Variants in TOGARAM2 observed in about 807,000 individuals in gnomAD.
TOGARAM2 encodes TOG array regulator of axonemal microtubules 2.
In TOGARAM2, 85 loss-of-function variants were observed where a neutral mutation model predicts 93.3. That is an observed-to-expected ratio of 0.91 (90% CI 0.76 to 1.09). The LOEUF is 1.09. TOGARAM2 is among the 50% of genes least tolerant of loss of function. TOGARAM2 has a pLI of 0.00. For missense variants in TOGARAM2, 1,277 were observed against 1,334.5 expected (o/e 0.96, Z 0.67); for synonymous variants, 593 against 552.8 (o/e 1.07, Z -1.02).
In TOGARAM2 at chr2:29,014,426, C is replaced by A; in HGVS notation, c.909C>A (p.Asp303Glu). 1 of 1,609,244 alleles carries A rather than the reference C, an allele frequency of 6.2e-7. No homozygotes were observed. The highest frequency in any genetic ancestry group is 1.3e-5 in the African/African-American group (1 of 74,896). The change falls in exon 8 of 20, where the codon GAC becomes GAA. Residue 303 changes from aspartate (D) to glutamate (E), a missense_variant. Asp to Glu is a conservative substitution (Grantham distance 45). Transcript: ENST00000379558. Reference protein sequence around the residue: ...EPKPLASPIRDRPAAAKKPAL... With the variant: ...EPKPLASPIRERPAAAKKPAL... ...AACCTTTGGCCTCACCCATCAGAGA[C>A]AGGCCTGCCGCTGCCAAGAAGCCTG...
intron 1 of TOGARAM2, among the ~76,000 whole-genome samples, chr2:28,982,102 G>T (rs539626053): frequency 1.3e-5 from 2 of 152,250 alleles, no homozygotes; most frequent in Admixed American, 1.3e-4. Context: ...TGTGAAGAAG[G>T]GTTTAAAAAA....
rs576057122 is a variant in TOGARAM2 at position 29,002,735 on chromosome 2, C to T, written c.627C>T (p.Pro209=). 27 of 1,613,390 alleles carry T rather than the reference C, an allele frequency of 1.7e-5. No homozygotes were observed. The highest frequency in any genetic ancestry group is 4.4e-5 in the South Asian group (4 of 90,880). The change falls in exon 5 of 20, where the codon CCC becomes CCT. Residue 209 remains proline (P), a synonymous_variant. Transcript: ENST00000379558. The part of the protein sequence containing the change: ...GSIPGPHELR[P]GAQEAQISWQ... ...TTCCGGGTCCTCACGAGTTGAGACC[C>T]GGTGCTCAGGAGGTAAGGTGGTTCG...
At chr2:29,009,606 G>A (rs1389912368) in intron 6 of TOGARAM2, among the ~76,000 whole-genome samples, 1 of 152,048 alleles carries the variant, frequency 6.6e-6, no homozygotes, top group Non-Finnish European at 1.5e-5. Context: ...CTGAGACCAT[G>A]CCGGGGTTCC....
chr2:29,024,198 C>A lies in TOGARAM2; in HGVS notation c.1677C>A (p.Phe559Leu), dbSNP rs552444256. ...CCATCAGCACCTTGGGAGACCTCTT[C>A]CAGGCCTTGAAGAAGAATATGGACC... Reference protein sequence around the residue: ...HLAISTLGDLFQALKKNMDQE... With the variant: ...HLAISTLGDLLQALKKNMDQE... Residue 559 changes from phenylalanine (F) to leucine (L), a missense_variant, in exon 13 of 20, where the codon TTC becomes TTA. Transcript: ENST00000379558. The A allele has an allele frequency of 6.2e-7, 1 of 1,604,962 alleles. No homozygotes were observed. The highest frequency in any genetic ancestry group is 1.7e-5 in the Admixed American group (1 of 58,872).
In TOGARAM2 at chr2:29,035,673, T is replaced by C; in HGVS notation, c.2418+17T>C. ...CTGGTCCAGGTGAGCACCGCTTGCT[T>C]TTACTCTCCCACCTGTCTCTCCTCT... is the stretch of plus-strand genomic sequence containing the variant. On this transcript the variant is annotated intron_variant, in intron 17 of 19. Transcript: ENST00000379558. 1 of 1,387,416 alleles carries C rather than the reference T, an allele frequency of 7.2e-7. No homozygotes were observed. The highest frequency in any genetic ancestry group is 9.4e-7 in the Non-Finnish European group (1 of 1,058,368). The allele number at this position is 1,387,416 out of a possible 1,614,324, so 85.9% of individuals were successfully genotyped here. A position where few individuals can be genotyped will look rare whatever the true frequency, so the allele number is the denominator to read the frequency against.
At chr2:29,001,856 C>CT (rs11324817) in intron 4 of TOGARAM2, among the ~76,000 whole-genome samples, 60 of 147,584 alleles carry the variant, frequency 4.1e-4, no homozygotes, top group South Asian at 1.1e-3. Context: ...AAATGCTAGT[C>CT]TTTTTTTTTT....
intron 13 of TOGARAM2, among the ~76,000 whole-genome samples, chr2:29,025,089 A>G (rs1665263801): frequency 1.3e-5 from 2 of 152,200 alleles, no homozygotes; most frequent in African/African-American, 4.8e-5. Flanking sequence ...GAGGTTTCTC[A>G]GTAGCCCCAG....
rs751856020 is a variant in TOGARAM2 at position 28,999,485 on chromosome 2, GCCCACCCCTCA to G, written c.427+25_427+35del. The G allele has an allele frequency of 2.5e-6, 4 of 1,573,976 alleles. No homozygotes were observed. In the South Asian group the frequency reaches 4.8e-5, roughly 19 times the overall value. On this transcript the variant is annotated intron_variant, in intron 4 of 19. Transcript: ENST00000379558. ...CTTCCCGAGGTGAGCACTGGCCCCT[GCCCACCCCTCA>G]CCCACCCACTTCCAGGTCAAGGGCC...
intron 14 of TOGARAM2, among the ~76,000 whole-genome samples, chr2:29,030,618 C>T (rs1665711572): frequency 1.3e-5 from 2 of 152,186 alleles, no homozygotes; most frequent in South Asian, 2.1e-4. Context: ...TTTCCTTTTC[C>T]TTCCTAGAAC....
chr2:29,041,605 G>A (rs1351147825), intron 18 of TOGARAM2, among the ~76,000 whole-genome samples: 1 of 152,200 alleles, frequency 6.6e-6, no homozygotes, highest in Non-Finnish European at 1.5e-5. Flanking sequence ...TAGCCTCAGG[G>A]CTTGGCTGAA....
chr2:29,013,504 T>C (rs1664375686), intron 7 of TOGARAM2, among the ~76,000 whole-genome samples: 1 of 152,122 alleles, frequency 6.6e-6, no homozygotes, highest in Non-Finnish European at 1.5e-5. Context: ...ACGCCAACAG[T>C]GCAGCCTTCA....
rs770541548 is a variant in TOGARAM2, at chr2:29,052,054, C to T, written c.3021C>T (p.Ser1007=). The T allele has an allele frequency of 1.2e-6, 2 of 1,600,046 alleles. No homozygotes were observed. Among genetic ancestry groups the T allele is most frequent in the South Asian group, 1.1e-5 (1 of 90,644 alleles). Residue 1007 remains serine, a synonymous_variant, in exon 20 of 20, where the codon AGC becomes AGT. Coordinates refer to ENST00000379558, the MANE Select transcript of TOGARAM2 (RefSeq NM_199280.4). ...KATDRGVAPD[S]KTTGSSYPFQ... ...CTGACAGAGGGGTGGCCCCTGACAG[C>T]AAGACAACTGGCAGCTCATACCCTT...
chr2:29,007,032 C>T (rs892213584), intron 6 of TOGARAM2, among the ~76,000 whole-genome samples: 1 of 152,192 alleles, frequency 6.6e-6, no homozygotes, highest in Admixed American at 6.5e-5. Flanking sequence ...TTCCAGGCAG[C>T]TTCCTGTGTG....
intron 7 of TOGARAM2, among the ~76,000 whole-genome samples, 163 bp from the exon 8 acceptor site, chr2:29,014,232 C>T (rs559506694): frequency 6.6e-6 from 1 of 152,320 alleles, no homozygotes; most frequent in South Asian, 2.1e-4. Context: ...CTGTCTCATG[C>T]CTGCCAGTGC....
At chr2:29,032,900 C>T in intron 14 of TOGARAM2, 34 bp from the exon 15 acceptor site, 1 of 1,562,008 alleles carries the variant, frequency 6.4e-7, no homozygotes, top group Non-Finnish European at 8.8e-7. Context: ...ATTTCAGAGG[C>T]TGTTTCTTTA....
At chr2:29,021,111 A>C (rs539913342) in intron 10 of TOGARAM2, among the ~76,000 whole-genome samples, 1 of 152,164 alleles carries the variant, frequency 6.6e-6, no homozygotes, top group African/African-American at 2.4e-5. Flanking sequence ...ACAGGGTTTC[A>C]CCATGTTGGG....
intron 6 of TOGARAM2, among the ~76,000 whole-genome samples, chr2:29,005,310 GGTATGTGTGCAT>G (rs1311625569): frequency 1.4e-5 from 2 of 138,370 alleles, no homozygotes; most frequent in African/African-American, 5.4e-5. Flanking sequence ...GTGTGTGTGG[GGTATGTGTGCAT>G]GTGTGTGTGA....
intron 1 of TOGARAM2, among the ~76,000 whole-genome samples, chr2:28,981,802 G>A (rs562819213): frequency 3.0e-4 from 46 of 152,348 alleles, no homozygotes; most frequent in African/African-American, 1.0e-3. Context: ...CAAGGAAGGA[G>A]GGGCTGGCCT....
At chr2:28,960,335 A>G (rs182868231) in intron 1 of TOGARAM2, among the ~76,000 whole-genome samples, 1 of 152,302 alleles carries the variant, frequency 6.6e-6, no homozygotes, top group African/African-American at 2.4e-5. Flanking sequence ...CCAAACCGTA[A>G]TCCCCTAATA....
Sources: allele counts gnomAD v4.1 joint callset (sites outside exome capture counted in the v4.1 genomes callset), GRCh38; gene constraint gnomAD v4.1.1; transcripts MANE v1.5; gene names NCBI Gene and HGNC (gene_info 2026-07-23, HGNC 2026-07-21).